Variants in AP1S3 observed in about 807,000 individuals in gnomAD.
The protein encoded by AP1S3 is AP-1 complex subunit sigma-3.
Under a neutral mutation model 20.9 loss-of-function variants are expected in AP1S3, and 10 were observed. That is an observed-to-expected ratio of 0.48 (90% CI 0.29 to 0.81). The LOEUF (loss-of-function observed/expected upper bound fraction) is 0.81. AP1S3 is among the 30% of genes least tolerant of loss of function. The pLI, the probability that AP1S3 is intolerant of heterozygous loss-of-function variation, is 0.08. For synonymous variants in AP1S3, 41 were observed against 61.5 expected (o/e 0.67, Z 1.56); for missense variants, 154 against 183.8 (o/e 0.84, Z 0.94).
At chr2:223,803,089 G>T (rs1691503754) in intron 1 of AP1S3, among the ~76,000 whole-genome samples, 1 of 152,144 alleles carries the variant, frequency 6.6e-6, no homozygotes, top group African/African-American at 2.4e-5. Flanking sequence ...TTTTTATGAT[G>T]TTATCAGATG....
At chr2:223,792,695 T>C (rs759298201) in intron 1 of AP1S3, among the ~76,000 whole-genome samples, 3 of 152,138 alleles carry the variant, frequency 2.0e-5, no homozygotes, top group Non-Finnish European at 4.4e-5. Flanking sequence ...CCAAAAGCAA[T>C]TGCAATAAAA....
Position 223,758,024 on chromosome 2 carries a change from A to G in AP1S3, c.*691T>C. ...TATAGTTCATAGAAAACCTTATTGG[A>G]ATGTCCCTTATATTCAATTAAAAGA... On this transcript the variant is annotated 3_prime_UTR_variant, in exon 5 of 5. Coordinates refer to ENST00000396654, the MANE Select transcript of AP1S3 (RefSeq NM_001039569.2). The G allele has an allele frequency of 1.0e-6, 1 of 976,080 alleles. No individual in the cohort carries two copies. The highest frequency in any genetic ancestry group is 4.7e-5 in the South Asian group (1 of 21,098). 60.5% of individuals were successfully genotyped at this position (976,080 alleles called of 1,614,324 possible).
chr2:223,832,807 C>CTTTTT, intron 1 of AP1S3, among the ~76,000 whole-genome samples: 1 of 129,932 alleles, frequency 7.7e-6, no homozygotes, highest in Non-Finnish European at 1.6e-5. Context: ...TTTCTTTTTT[C>CTTTTT]TTTTTTTTTT....
chr2:223,819,824 T>G (rs970141049), intron 1 of AP1S3, among the ~76,000 whole-genome samples: 5 of 152,106 alleles, frequency 3.3e-5, no homozygotes, highest in African/African-American at 1.2e-4. Flanking sequence ...GCAAAGTTAG[T>G]TACCTTATAT....
At chr2:223,786,461 A>C (rs753724561) in intron 1 of AP1S3, among the ~76,000 whole-genome samples, 3 of 152,138 alleles carry the variant, frequency 2.0e-5, no homozygotes, top group Non-Finnish European at 4.4e-5. Flanking sequence ...CGTAATCAAC[A>C]TAATAAAACA....
intron 1 of AP1S3, among the ~76,000 whole-genome samples, chr2:223,828,924 C>A (rs894643113): frequency 6.6e-6 from 1 of 152,178 alleles, no homozygotes; most frequent in African/African-American, 2.4e-5. Context: ...CTCACTGCAA[C>A]CTCCACCCTC....
chr2:223,780,353 A>AGTGTGTGTGTGTGT (rs1559280869), intron 1 of AP1S3, among the ~76,000 whole-genome samples: 4 of 58,580 alleles, frequency 6.8e-5, no homozygotes, highest in Non-Finnish European at 8.5e-5. Context: ...AGAGAGAGAG[A>AGTGTGTGTGTGTGT]GAGAGTGTGT....
chr2:223,775,821 G>A (rs1690769974), intron 3 of AP1S3, 80 bp downstream of exon 3: 5 of 1,005,500 alleles, frequency 5.0e-6, no homozygotes, highest in Non-Finnish European at 6.1e-6. Context: ...CAGAGAGAAG[G>A]GATGTGACCA....
chr2:223,828,058 T>TAAAAAAAAAAAAAAAAAAAAAAAAAAAAA (rs527671959), intron 1 of AP1S3, among the ~76,000 whole-genome samples: 3 of 94,666 alleles, frequency 3.2e-5, no homozygotes, highest in Non-Finnish European at 4.5e-5. Context: ...AGACTTCATC[T>TAAAAAAAAAAAAAAAAAAAAAAAAAAAAA]AAAAAAAAAA....
At chr2:223,781,199 G>A (rs554346717) in intron 1 of AP1S3, among the ~76,000 whole-genome samples, 1 of 152,042 alleles carries the variant, frequency 6.6e-6, no homozygotes, top group East Asian at 1.9e-4. Flanking sequence ...CCATTGATGG[G>A]CACGGAGGTT....
At chr2:223,808,957 G>A (rs1574718072) in intron 1 of AP1S3, among the ~76,000 whole-genome samples, 1 of 152,126 alleles carries the variant, frequency 6.6e-6, no homozygotes, top group African/African-American at 2.4e-5. Flanking sequence ...TTTGTACCAC[G>A]CCACTACAGC....
At chr2:223,818,434 A>AAG (rs1309606100) in intron 1 of AP1S3, among the ~76,000 whole-genome samples, 1 of 151,634 alleles carries the variant, frequency 6.6e-6, no homozygotes, top group Non-Finnish European at 1.5e-5. Flanking sequence ...AAAAAAAAAA[A>AAG]TGTCCAAGGT....
intron 1 of AP1S3, among the ~76,000 whole-genome samples, chr2:223,795,848 A>T (rs1458995976): frequency 6.6e-6 from 1 of 152,152 alleles, no homozygotes; most frequent in Non-Finnish European, 1.5e-5. Flanking sequence ...CCAGCAAAGA[A>T]TGAGCATTCA....
chr2:223,764,324 T>A (rs574635722), intron 4 of AP1S3, among the ~76,000 whole-genome samples: 72 of 152,184 alleles, frequency 4.7e-4, no homozygotes, highest in African/African-American at 1.7e-3. Context: ...GGAAGAAGAA[T>A]CTAGGGGTGG....
At chr2:223,817,760 C>T (rs1041930880) in intron 1 of AP1S3, among the ~76,000 whole-genome samples, 105 of 152,104 alleles carry the variant, frequency 6.9e-4, no homozygotes, top group Non-Finnish European at 1.4e-3. Flanking sequence ...TGAAGAACAT[C>T]AGAGACTATT....
intron 1 of AP1S3, among the ~76,000 whole-genome samples, chr2:223,803,905 G>C (rs1004811572): frequency 3.3e-5 from 5 of 151,288 alleles, no homozygotes; most frequent in Admixed American, 2.0e-4. Flanking sequence ...AAATAGATGA[G>C]AGTATCAATT....
At chr2:223,769,563 C>T (rs945894782) in intron 3 of AP1S3, among the ~76,000 whole-genome samples, 5 of 151,356 alleles carry the variant, frequency 3.3e-5, no homozygotes, top group Non-Finnish European at 7.4e-5. Flanking sequence ...TTGAATGATT[C>T]TTTCGGTGTC....
At chr2:223,820,974 G>A (rs1691974101) in intron 1 of AP1S3, among the ~76,000 whole-genome samples, 1 of 151,920 alleles carries the variant, frequency 6.6e-6, no homozygotes, top group Non-Finnish European at 1.5e-5. Flanking sequence ...ATACTTTCAG[G>A]GCCCTCTCAA....
chr2:223,785,274 G>A lies in AP1S3; in HGVS notation c.4-7405C>T, dbSNP rs57247807. ...GGAGAATTGCTTGAACCCAGGAGGT[G>A]GAGGCTGCAGTGAGCCAAGATCACA... On this transcript the variant is annotated intron_variant, in intron 1 of 4. Coordinates refer to ENST00000396654, the MANE Select transcript of AP1S3 (RefSeq NM_001039569.2). 8.5e-3 allele frequency among the ~76,000 whole-genome samples: 1,294 copies of A among 152,192 alleles called. 21 individuals are homozygous for A. Among genetic ancestry groups the A allele is most frequent in the African/African-American group, 0.028 (1,169 of 41,520 alleles).
Sources: gnomAD v4.1 joint callset for allele counts (sites outside exome capture counted in the v4.1 genomes callset) on GRCh38, gnomAD v4.1.1 for gene constraint, MANE v1.5 for transcripts, NCBI Gene and HGNC (gene_info 2026-07-23, HGNC 2026-07-21) for gene names.